IARS1: variants seen among roughly 807,000 people sequenced by gnomAD.
The protein encoded by IARS1 is isoleucine--tRNA ligase, cytoplasmic.
In IARS1, 124 loss-of-function variants were observed where a neutral mutation model predicts 168.2. The ratio of observed to expected loss-of-function variants is 0.74; its 90% CI spans 0.64 to 0.86. The LOEUF is 0.86. Among genes scored for constraint, IARS1 ranks in the 40% least tolerant of loss-of-function variants. The pLI, the probability that IARS1 is intolerant of heterozygous loss-of-function variation, is 0.00. For missense variants in IARS1, 1,452 were observed against 1,515.8 expected (o/e 0.96, Z 0.70); for synonymous variants, 532 against 529.4 (o/e 1.00, Z -0.07).
At chr9:92,289,108 G>A (rs1835906956) in intron 2 of IARS1, among the ~76,000 whole-genome samples, 193 bp downstream of exon 2, 1 of 150,466 alleles carries the variant, frequency 6.6e-6, no homozygotes, top group Non-Finnish European at 1.5e-5. Flanking sequence ...TCGGGAGGCT[G>A]AGGCAGGAGA....
intron 30 of IARS1, among the ~76,000 whole-genome samples, chr9:92,233,195 T>C (rs1010408212): frequency 9.9e-5 from 15 of 152,212 alleles, no homozygotes; most frequent in Admixed American, 7.9e-4. Flanking sequence ...GTTCCAGAAA[T>C]TGTGTGAAAT....
chr9:92,287,844 C>G lies in IARS1; in HGVS notation c.343G>C (p.Glu115Gln). ...ATTGCTCGGCACTGATTGTTATACT[C>G]TGTAATCCCCATTTTGGCCACATCC... Reference protein sequence around the residue: ...PEDVAKMGITEYNNQCRAIVM... With the variant: ...PEDVAKMGITQYNNQCRAIVM... Residue 115 changes from glutamate (E) to glutamine (Q), a missense_variant, in exon 4 of 34, where the codon GAG becomes CAG. Coordinates refer to ENST00000443024, the MANE Select transcript of IARS1 (RefSeq NM_002161.6). 1 of 1,613,952 alleles carries G rather than the reference C, an allele frequency of 6.2e-7. No individual in the cohort carries two copies. Among genetic ancestry groups the G allele is most frequent in the South Asian group, 1.1e-5 (1 of 91,064 alleles).
intron 9 of IARS1, among the ~76,000 whole-genome samples, chr9:92,276,149 T>A (rs1478074666): frequency 6.6e-6 from 1 of 152,128 alleles, no homozygotes; most frequent in Non-Finnish European, 1.5e-5. Flanking sequence ...AATGAAGTAA[T>A]GACATTTTTC....
chr9:92,240,270 T>C (rs1040929681), intron 30 of IARS1: 11 of 154,728 alleles, frequency 7.1e-5, no homozygotes, highest in Non-Finnish European at 1.1e-4. Context: ...TTTTCTTTTC[T>C]TTTTTTTTTT....
rs944644034 is a variant in IARS1, at chr9:92,230,084, CTTTT to C, written c.3284-962_3284-959del. ...TCATACAGTATGGAACCTTTTGGGACTTTTTTTATTTGGCAACAATTTCTTTTCT... is the reference window on the plus strand; with the variant it reads ...TCATACAGTATGGAACCTTTTGGGACTTTATTTGGCAACAATTTCTTTTCT... On this transcript the variant is annotated intron_variant, in intron 30 of 33. Transcript: ENST00000443024. 8.6e-5 allele frequency among the ~76,000 whole-genome samples: 13 copies of C among 151,702 alleles called. 1 individual carries two copies. The highest frequency in any genetic ancestry group is 3.1e-4 in the African/African-American group (13 of 41,398).
At position 92,210,855 on chromosome 9, in the gene IARS1, ATTCAAAGTC is replaced by A. The variant is rs750521017; in HGVS notation, c.3732_3740del (p.Lys1244_Leu1246del). On this transcript the variant is annotated inframe_deletion, in exon 34 of 34. Transcript: ENST00000443024. ...ACACAGAAACATACACAGTCTTCATATTCAAAGTCTTCACGGGGATGTCTTCTGTAATTT... is the reference window on the plus strand; with the variant it reads ...ACACAGAAACATACACAGTCTTCATATTCACGGGGATGTCTTCTGTAATTT... 7 of 1,610,986 alleles carry A rather than the reference ATTCAAAGTC, an allele frequency of 4.3e-6. No individual in the cohort carries two copies. In the Admixed American group the frequency reaches 1.2e-4, roughly 27 times the overall value.
intron 32 of IARS1, among the ~76,000 whole-genome samples, chr9:92,222,928 C>G (rs1839880220): frequency 6.6e-6 from 1 of 151,512 alleles, no homozygotes; most frequent in Admixed American, 6.6e-5. Flanking sequence ...ACTCAGTACA[C>G]AGTGAAGTGA....
intron 21 of IARS1, among the ~76,000 whole-genome samples, 169 bp downstream of exon 21, chr9:92,253,193 C>T (rs1423184778): frequency 1.3e-5 from 2 of 151,978 alleles, no homozygotes; most frequent in Non-Finnish European, 2.9e-5. Context: ...GATCCCTATC[C>T]CTCAAATGAC....
chr9:92,252,234 C>T, intron 21 of IARS1: 2 of 439,538 alleles, frequency 4.6e-6, no homozygotes, highest in Non-Finnish European at 4.3e-6. Context: ...TAACCAAAAA[C>T]TTTAAAGTAC....
Position 92,264,969 on chromosome 9 carries a change from C to A in IARS1, c.1660G>T (p.Ala554Ser). The A allele has an allele frequency of 6.2e-7, 1 of 1,614,076 alleles. No individual in the cohort carries two copies. Among genetic ancestry groups the A allele is most frequent in the South Asian group, 1.1e-5 (1 of 91,068 alleles). ...TCGATGCCCTCGGCAATGAAATCTG[C>A]AGGAAAAGCATCCTCAAACTCCCTC... ...NKREFEDAFP[A>S]DFIAEGIDQT... Residue 554 changes from alanine (A) to serine (S), a missense_variant, in exon 16 of 34, where the codon GCA (alanine) becomes TCA (serine). Ala to Ser is a moderately conservative substitution (Grantham distance 99, BLOSUM62 1). Coordinates refer to ENST00000443024, the MANE Select transcript of IARS1 (RefSeq NM_002161.6).
Position 92,271,530 on chromosome 9 carries a change from G to C in IARS1, c.1113+3C>G, listed in dbSNP as rs1833027062. The C allele has an allele frequency of 1.2e-6, 2 of 1,614,000 alleles. No individual in the cohort carries two copies. Among genetic ancestry groups the C allele is most frequent in the East Asian group, 2.2e-5 (1 of 44,880 alleles). On this transcript the variant is annotated splice_donor_region_variant and intron_variant, in intron 11 of 33. Coordinates refer to ENST00000443024, the MANE Select transcript of IARS1 (RefSeq NM_002161.6). ...ACCCTTCTATGCTATATGGATTACA[G>C]ACCTTCACATACTGTCCTGCGAAAT...
intron 16 of IARS1, among the ~76,000 whole-genome samples, chr9:92,263,906 G>A (rs931768778): frequency 6.6e-6 from 1 of 152,122 alleles, no homozygotes; most frequent in Non-Finnish European, 1.5e-5. Context: ...TAGACAAAAA[G>A]GACTGGAATC....
intron 29 of IARS1, among the ~76,000 whole-genome samples, 193 bp downstream of exon 29, chr9:92,241,961 T>C (rs550589696): frequency 6.6e-6 from 1 of 152,292 alleles, no homozygotes; most frequent in African/African-American, 2.4e-5. Context: ...TGAAAACAGT[T>C]CCATCTTCCC....
chr9:92,291,654 G>A (rs1276573960), intron 1 of IARS1, among the ~76,000 whole-genome samples: 3 of 152,168 alleles, frequency 2.0e-5, no homozygotes, highest in Non-Finnish European at 2.9e-5. Context: ...CAAAATAAGT[G>A]TTTGTGCATT....
At chr9:92,251,606 T>C (rs1321981087) in intron 22 of IARS1, among the ~76,000 whole-genome samples, 1 of 152,208 alleles carries the variant, frequency 6.6e-6, no homozygotes, top group Non-Finnish European at 1.5e-5. Context: ...AGAAAGAATC[T>C]AGTATTTCTT....
rs771651885 is a variant in IARS1 at position 92,280,893 on chromosome 9, C to G, written c.598G>C (p.Asp200His). The part of the protein sequence containing the change: ...SNFESHQNYK[D>H]VQDPSVFVTF... ...ACAAATACTGAAGGATCTTGAACATCCTGAAATAAATTGAGGTAAAGTATT... is the reference window on the plus strand; with the variant it reads ...ACAAATACTGAAGGATCTTGAACATGCTGAAATAAATTGAGGTAAAGTATT... Residue 200 changes from aspartate (D) to histidine (H), a missense_variant and splice_region_variant, in exon 7 of 34, where the codon GAT becomes CAT. Asp to His is a moderately conservative substitution (Grantham distance 81). Transcript: ENST00000443024. 6 of 1,602,716 alleles carry G rather than the reference C, an allele frequency of 3.7e-6. No individual in the cohort carries two copies. In the East Asian group the frequency reaches 1.3e-4, roughly 36 times the overall value.
At chr9:92,215,310 C>A (rs1838474623) in intron 33 of IARS1, among the ~76,000 whole-genome samples, 2 of 152,016 alleles carry the variant, frequency 1.3e-5, no homozygotes, top group South Asian at 4.1e-4. Flanking sequence ...GATAAAACCA[C>A]AAAGATGGGG....
chr9:92,232,357 T>C (rs764409574), intron 30 of IARS1, among the ~76,000 whole-genome samples: 1 of 152,218 alleles, frequency 6.6e-6, no homozygotes, highest in Non-Finnish European at 1.5e-5. Context: ...ACAAATTTGA[T>C]TCATAGATTT....
chr9:92,212,901 AC>A (rs1472250038), intron 33 of IARS1, among the ~76,000 whole-genome samples: 8 of 152,134 alleles, frequency 5.3e-5, no homozygotes, highest in Admixed American at 2.6e-4. Context: ...AAGCAAGGGA[AC>A]AAAATCAAGG....
Sources: allele counts gnomAD v4.1 joint callset (sites outside exome capture counted in the v4.1 genomes callset), GRCh38; gene constraint gnomAD v4.1.1; transcripts MANE v1.5; gene names NCBI Gene and HGNC (gene_info 2026-07-23, HGNC 2026-07-21).